The following MAGI2 variants were observed in gnomAD, a reference collection of about 807,000 sequenced individuals.
The protein encoded by MAGI2 is membrane-associated guanylate kinase, WW and PDZ domain-containing protein 2.
In MAGI2, 35 loss-of-function variants were observed where a neutral mutation model predicts 133.3. The observed-to-expected ratio is 0.26, with a 90% CI of 0.20 to 0.35. The LOEUF is 0.35. Among genes scored for constraint, MAGI2 ranks in the 10% least tolerant of loss-of-function variants. The probability of loss-of-function intolerance (pLI) is 1.00; values close to 1 mark genes in which losing one functional copy is unlikely to be tolerated. For synonymous variants in MAGI2, 729 were observed against 710.6 expected (o/e 1.03, Z -0.41); for missense variants, 1,636 against 1,863.4 (o/e 0.88, Z 2.25).
At chr7:78,460,053 A>C (rs529841775) in intron 6 of MAGI2, among the ~76,000 whole-genome samples, 1 of 152,344 alleles carries the variant, frequency 6.6e-6, no homozygotes, top group Admixed American at 6.5e-5. Context: ...CAAGAATTTA[A>C]TATCCAACCC....
chr7:78,030,687 G>T (rs1471393102), intron 21 of MAGI2, among the ~76,000 whole-genome samples: 5 of 152,222 alleles, frequency 3.3e-5, no homozygotes, highest in Non-Finnish European at 5.9e-5. Flanking sequence ...AGATACCACT[G>T]CATACCTATG....
intron 1 of MAGI2, among the ~76,000 whole-genome samples, chr7:79,286,911 G>A (rs538474229): frequency 8.5e-5 from 13 of 152,198 alleles, no homozygotes; most frequent in South Asian, 6.2e-4. Flanking sequence ...CATAGATTGC[G>A]TGGTGGTCAA....
intron 2 of MAGI2, among the ~76,000 whole-genome samples, chr7:78,881,486 G>A (rs1333618549): frequency 2.6e-5 from 4 of 151,666 alleles, no homozygotes. Context: ...TAAATGACGA[G>A]TTAATGGGTG....
At chr7:78,606,796 C>G (rs1805859753) in intron 3 of MAGI2, among the ~76,000 whole-genome samples, 1 of 151,432 alleles carries the variant, frequency 6.6e-6, no homozygotes, top group African/African-American at 2.4e-5. Flanking sequence ...TTGCAGTTAA[C>G]ATGCCCTTGT....
chr7:79,009,195 C>T (rs1045523206), intron 1 of MAGI2: 3 of 152,038 alleles, frequency 2.0e-5, no homozygotes, highest in Admixed American at 6.6e-5. Context: ...GATTCTTATC[C>T]CTAAAAATAT....
chr7:78,499,618 A>G (rs1563087614), intron 5 of MAGI2, among the ~76,000 whole-genome samples: 1 of 150,528 alleles, frequency 6.6e-6, no homozygotes, highest in Non-Finnish European at 1.5e-5. Flanking sequence ...GATGTAGTTA[A>G]AAGAGGAAAG....
At chr7:78,771,763 A>G (rs991377346) in intron 2 of MAGI2, among the ~76,000 whole-genome samples, 8 of 152,188 alleles carry the variant, frequency 5.3e-5, no homozygotes. Context: ...AAAGACAATA[A>G]AAATAATAAT....
At chr7:78,632,547 A>T (rs917455051) in intron 2 of MAGI2, among the ~76,000 whole-genome samples, 5 of 152,240 alleles carry the variant, frequency 3.3e-5, no homozygotes, top group Admixed American at 3.3e-4. Flanking sequence ...CTACATCCTT[A>T]AAGAGAAATT....
intron 2 of MAGI2, among the ~76,000 whole-genome samples, chr7:78,811,636 T>G (rs181706854): frequency 7.2e-5 from 11 of 152,312 alleles, no homozygotes; most frequent in Non-Finnish European, 1.5e-4. Flanking sequence ...CTTCAATTAT[T>G]AACATGCAAA....
At chr7:78,922,956 T>C (rs2151638398) in intron 2 of MAGI2, among the ~76,000 whole-genome samples, 1 of 152,256 alleles carries the variant, frequency 6.6e-6, no homozygotes, top group Non-Finnish European at 1.5e-5. Flanking sequence ...ATGATGAGCA[T>C]TTTTTCATGT....
At chr7:79,162,479 T>C (rs1445093117) in intron 1 of MAGI2, among the ~76,000 whole-genome samples, 1 of 151,938 alleles carries the variant, frequency 6.6e-6, no homozygotes, top group Non-Finnish European at 1.5e-5. Context: ...GGGCTGATTT[T>C]GAGGGATAAA....
At chr7:78,448,272 T>G (rs999172347) in intron 6 of MAGI2, among the ~76,000 whole-genome samples, 1 of 152,050 alleles carries the variant, frequency 6.6e-6, no homozygotes, top group Non-Finnish European at 1.5e-5. Context: ...GCTGATTTCG[T>G]TTCCTTTGAG....
intron 6 of MAGI2, among the ~76,000 whole-genome samples, chr7:78,430,450 G>T (rs1799686939): frequency 6.6e-6 from 1 of 151,574 alleles, no homozygotes; most frequent in East Asian, 1.9e-4. Flanking sequence ...AAGTTAAGTA[G>T]TATTCCAGGA....
intron 1 of MAGI2, among the ~76,000 whole-genome samples, chr7:79,447,539 A>T (rs1251161470): frequency 9.2e-5 from 14 of 152,106 alleles, no homozygotes; most frequent in Non-Finnish European, 2.1e-4. Context: ...TGCTAAAATT[A>T]TGGGGAAGCT....
intron 2 of MAGI2, among the ~76,000 whole-genome samples, chr7:78,681,901 A>C (rs1815708339): frequency 6.6e-6 from 1 of 152,176 alleles, no homozygotes; most frequent in Admixed American, 6.5e-5. Context: ...TTTATATGAC[A>C]ACCTAATTAC....
At chr7:79,204,211 C>T (rs552352395) in intron 1 of MAGI2, among the ~76,000 whole-genome samples, 7 of 152,164 alleles carry the variant, frequency 4.6e-5, no homozygotes, top group African/African-American at 1.7e-4. Context: ...GCATATTAAG[C>T]CTCTGGATCT....
At chr7:78,767,116 A>G (rs969509878) in intron 2 of MAGI2, among the ~76,000 whole-genome samples, 1 of 151,786 alleles carries the variant, frequency 6.6e-6, no homozygotes, top group Non-Finnish European at 1.5e-5. Context: ...CGGCCTCCCG[A>G]GTAGCTGGGA....
intron 1 of MAGI2, among the ~76,000 whole-genome samples, chr7:79,127,370 G>A (rs1388518723): frequency 2.6e-5 from 4 of 152,074 alleles, no homozygotes; most frequent in East Asian, 3.9e-4. Context: ...CTGAGGAATC[G>A]CCACACTGAC....
chr7:78,958,875 C>G (rs1001009864), intron 2 of MAGI2, among the ~76,000 whole-genome samples: 3 of 152,098 alleles, frequency 2.0e-5, no homozygotes, highest in African/African-American at 7.2e-5. Context: ...TAAAAGAGCA[C>G]TGAAGATAAT....
Sources: allele counts gnomAD v4.1 joint callset (sites outside exome capture counted in the v4.1 genomes callset), GRCh38; gene constraint gnomAD v4.1.1; transcripts MANE v1.5; gene names NCBI Gene and HGNC (gene_info 2026-07-23, HGNC 2026-07-21).